Variants in NEUROG3 observed in about 807,000 individuals in gnomAD.
NEUROG3 encodes neurogenin 3.
For synonymous variants in NEUROG3, 161 were observed against 139.2 expected (o/e 1.16, Z -1.10); for missense variants, 307 against 297.9 (o/e 1.03, Z -0.22).
Position 69,572,554 on chromosome 10 carries a change from C to G in NEUROG3, c.490G>C (p.Gly164Arg), listed in dbSNP as rs762664166. 6.2e-6 allele frequency: 10 copies of G among 1,610,780 alleles called. No individual in the cohort carries two copies. Among genetic ancestry groups the G allele is most frequent in the East Asian group, 2.2e-5 (1 of 44,606 alleles). ...AGGGACCCCCAGTCCCCGGGGGAAC[C>G]GCCTGGGCTGCCCAGCTCCCCGCAG... The part of the protein sequence containing the change: ...PHCGELGSPG[G>R]SPGDWGSLYS... The change falls in exon 2 of 2, where the codon GGT becomes CGT. Residue 164 changes from glycine (G) to arginine (R), a missense_variant. Transcript: ENST00000242462.
Position 69,572,281 on chromosome 10 carries a change from A to G in NEUROG3, c.*118T>C, listed in dbSNP as rs1036322758. 17 of 1,209,720 alleles carry G rather than the reference A, an allele frequency of 1.4e-5. No individual in the cohort carries two copies. Among genetic ancestry groups the G allele is most frequent in the Non-Finnish European group, 1.9e-5 (16 of 861,680 alleles). 74.9% of individuals were successfully genotyped at this position (1,209,720 alleles called of 1,614,324 possible). A position where few individuals can be genotyped will look rare whatever the true frequency, so the allele number is the denominator to read the frequency against. ...TGGGCCGGCCAGGGGTCAGCCAGGG[A>G]GAAGCAGAAGGAACAAGTGCTTTTG... On this transcript the variant is annotated 3_prime_UTR_variant, in exon 2 of 2. Coordinates refer to ENST00000242462, the MANE Select transcript of NEUROG3 (RefSeq NM_020999.4).
chr10:69,572,714 C>CA lies in NEUROG3; in HGVS notation c.329dup (p.Pro111AlafsTer128). ...GCTTCGCGTCGTCTGGGAAGGTGGG[C>CA]AGGACACCGCGCAGGGCGTCCAGTG... On this transcript the variant is annotated frameshift_variant, in exon 2 of 2. Transcript: ENST00000242462. LOFTEE classifies it low-confidence loss of function (END_TRUNC). 1 of 1,614,156 alleles carries CA rather than the reference C, an allele frequency of 6.2e-7. No homozygotes were observed. The highest frequency in any genetic ancestry group is 1.1e-5 in the South Asian group (1 of 91,084).
Position 69,572,207 on chromosome 10 carries a change from G to A in NEUROG3, c.*192C>T. On this transcript the variant is annotated 3_prime_UTR_variant, in exon 2 of 2. Transcript: ENST00000242462. ...CAGCAAGGGTTGCGTGCGTTGGCGC[G>A]GCTCGGAGGGCCGGGGAATGAACCC... 1 of 654,236 alleles carries A rather than the reference G, an allele frequency of 1.5e-6. No individual in the cohort carries two copies. Among genetic ancestry groups the A allele is most frequent in the East Asian group, 2.8e-5 (1 of 36,226 alleles). 40.5% of individuals were successfully genotyped at this position (654,236 alleles called of 1,614,324 possible). A position where few individuals can be genotyped will look rare whatever the true frequency, so the allele number is the denominator to read the frequency against.
At position 69,572,672 on chromosome 10, in the gene NEUROG3, C is replaced by T; in HGVS notation, c.372G>A (p.Thr124=). 2 of 1,614,136 alleles carry T rather than the reference C, an allele frequency of 1.2e-6. No individual in the cohort carries two copies. The highest frequency in any genetic ancestry group is 1.7e-6 in the Non-Finnish European group (2 of 1,179,962). Reference sequence around the variant, plus strand: ...AGATGTAGTTGTGGGCGAAGCGCAGCGTCTCGATCTTGGTGAGCTTCGCGT... The same window carrying T: ...AGATGTAGTTGTGGGCGAAGCGCAGTGTCTCGATCTTGGTGAGCTTCGCGT... ...PDDAKLTKIE[T]LRFAHNYIWA... Residue 124 remains threonine, a synonymous_variant, in exon 2 of 2, where the codon ACG becomes ACA. Transcript: ENST00000242462.
At position 69,572,580 on chromosome 10, in the gene NEUROG3, T is replaced by G. The variant is rs1242314195; in HGVS notation, c.464A>C (p.His155Pro). Residue 155 changes from histidine to proline, a missense_variant, in exon 2 of 2, where the codon CAC becomes CCC. His to Pro is a moderately conservative substitution (Grantham distance 77). Coordinates refer to ENST00000242462, the MANE Select transcript of NEUROG3 (RefSeq NM_020999.4). ...GCCTGGGCTGCCCAGCTCCCCGCAGTGCGGCGCCGGCGGCTCCAGCGCGTA... is the reference window on the plus strand; with the variant it reads ...GCCTGGGCTGCCCAGCTCCCCGCAGGGCGGCGCCGGCGGCTCCAGCGCGTA... ...SLYALEPPAP[H>P]CGELGSPGGS... The G allele has an allele frequency of 6.2e-7, 1 of 1,613,496 alleles. No individual in the cohort carries two copies. Among genetic ancestry groups the G allele is most frequent in the East Asian group, 2.2e-5 (1 of 44,838 alleles).
Position 69,572,178 on chromosome 10 carries a change from G to T in NEUROG3, c.*221C>A. 1.7e-6 allele frequency: 1 copy of T among 604,202 alleles called. No individual in the cohort carries two copies. Among genetic ancestry groups the T allele is most frequent in the South Asian group, 2.0e-5 (1 of 50,124 alleles). 37.4% of individuals were successfully genotyped at this position (604,202 alleles called of 1,614,324 possible). The stretch of plus-strand genomic sequence containing the variant: ...ACTTTGCAATGCCCACTTCGCGCGG[G>T]CAGCAGCAAGGGTTGCGTGCGTTGG... On this transcript the variant is annotated 3_prime_UTR_variant, in exon 2 of 2. Transcript: ENST00000242462.
Position 69,572,460 on chromosome 10 carries a change from A to T in NEUROG3, c.584T>A (p.Leu195Gln). 6.3e-7 allele frequency: 1 copy of T among 1,590,090 alleles called. No homozygotes were observed. The highest frequency in any genetic ancestry group is 8.5e-7 in the Non-Finnish European group (1 of 1,169,764). Residue 195 changes from leucine (L) to glutamine (Q), a missense_variant, in exon 2 of 2, where the codon CTG becomes CAG. Transcript: ENST00000242462. Reference sequence around the variant, plus strand: ...CAAGCAGGCGGAAAAGGTGGCCCCCAGCAGCCCGGGTCGCTCCTCCAGCGA... The same window carrying T: ...CAAGCAGGCGGAAAAGGTGGCCCCCTGCAGCCCGGGTCGCTCCTCCAGCGA... ...AASLEERPGL[L>Q]GATFSACLSP...
At position 69,572,509 on chromosome 10, in the gene NEUROG3, C is replaced by A. The variant is rs752155684; in HGVS notation, c.535G>T (p.Ala179Ser). 1 of 1,594,830 alleles carries A rather than the reference C, an allele frequency of 6.3e-7. No homozygotes were observed. Among genetic ancestry groups the A allele is most frequent in the Admixed American group, 1.7e-5 (1 of 57,154 alleles). Residue 179 changes from alanine to serine, a missense_variant, in exon 2 of 2, where the codon GCT becomes TCT. By Grantham distance (99) the Ala-to-Ser change is moderately conservative. Transcript: ENST00000242462. ...WGSLYSPVSQ[A>S]GSLSPAASLE... ...GACGCGGCGGGACTCAGGCTGCCAG[C>A]CTGGGAGACTGGGGAGTAGAGGGAC...
At position 69,572,986 on chromosome 10, in the gene NEUROG3, A is replaced by G; in HGVS notation, c.58T>C (p.Ser20Pro). 6.2e-7 allele frequency: 1 copy of G among 1,613,602 alleles called. No individual in the cohort carries two copies. ...TVQVTRETER[S>P]FPRASEDEVT... ...TCGTCTTCCGAGGCTCTGGGGAAGG[A>G]CCGCTCCGTCTCACGGGTCACTTGG... Residue 20 changes from serine to proline, a missense_variant, in exon 2 of 2, where the codon TCC (serine) becomes CCC (proline). Ser to Pro is a moderately conservative substitution (Grantham distance 74). Transcript: ENST00000242462.
In NEUROG3 at chr10:69,572,199, G is replaced by A. The variant is rs1374979183; in HGVS notation, c.*200C>T. ...GCGGGCAGCAGCAAGGGTTGCGTGC[G>A]TTGGCGCGGCTCGGAGGGCCGGGGA... is the stretch of plus-strand genomic sequence containing the variant. On this transcript the variant is annotated 3_prime_UTR_variant, in exon 2 of 2. Coordinates refer to ENST00000242462, the MANE Select transcript of NEUROG3 (RefSeq NM_020999.4). 4 of 639,246 alleles carry A rather than the reference G, an allele frequency of 6.3e-6. No homozygotes were observed. Among genetic ancestry groups the A allele is most frequent in the Non-Finnish European group, 1.1e-5 (4 of 373,198 alleles). 39.6% of individuals were successfully genotyped at this position (639,246 alleles called of 1,614,324 possible).
In NEUROG3 at chr10:69,572,465, C is replaced by T. The variant is rs1839225532; in HGVS notation, c.579G>A (p.Gly193=). 5 of 1,590,142 alleles carry T rather than the reference C, an allele frequency of 3.1e-6. No individual in the cohort carries two copies. Among genetic ancestry groups the T allele is most frequent in the Non-Finnish European group, 4.3e-6 (5 of 1,169,478 alleles). The change falls in exon 2 of 2, where the codon GGG becomes GGA. Residue 193 remains glycine, a synonymous_variant. Transcript: ENST00000242462. ...AGGCGGAAAAGGTGGCCCCCAGCAG[C>T]CCGGGTCGCTCCTCCAGCGACGCGG... ...SPAASLEERP[G]LLGATFSACL...
chr10:69,572,485 A>T lies in NEUROG3; in HGVS notation c.559T>A (p.Ser187Thr), dbSNP rs1224222918. ...SQAGSLSPAASLEERPGLLGA... is the reference protein window; with the variant it reads ...SQAGSLSPAATLEERPGLLGA... Reference sequence around the variant, plus strand: ...AGCAGCCCGGGTCGCTCCTCCAGCGACGCGGCGGGACTCAGGCTGCCAGCC... The same window carrying T: ...AGCAGCCCGGGTCGCTCCTCCAGCGTCGCGGCGGGACTCAGGCTGCCAGCC... Residue 187 changes from serine to threonine, a missense_variant, in exon 2 of 2, where the codon TCG becomes ACG. By Grantham distance (58) the Ser-to-Thr change is moderately conservative. Coordinates refer to ENST00000242462, the MANE Select transcript of NEUROG3 (RefSeq NM_020999.4). The T allele has an allele frequency of 1.6e-5, 26 of 1,588,728 alleles. No individual in the cohort carries two copies. Among genetic ancestry groups the T allele is most frequent in the Non-Finnish European group, 2.1e-5 (24 of 1,168,242 alleles).
At position 69,573,358 on chromosome 10, in the gene NEUROG3, G is replaced by T. The variant is rs1839245367; in HGVS notation, c.-150C>A. On this transcript the variant is annotated 5_prime_UTR_variant, in exon 1 of 2. Coordinates refer to ENST00000242462, the MANE Select transcript of NEUROG3 (RefSeq NM_020999.4). Reference sequence around the variant, plus strand: ...CAAAGGAGAAAAGAAGAGAGAATGGGGTCCGAGGCCTCTGTCACGCTCTCT... The same window carrying T: ...CAAAGGAGAAAAGAAGAGAGAATGGTGTCCGAGGCCTCTGTCACGCTCTCT... 1 of 477,044 alleles carries T rather than the reference G, an allele frequency of 2.1e-6. No individual in the cohort carries two copies. Among genetic ancestry groups the T allele is most frequent in the Non-Finnish European group, 3.7e-6 (1 of 268,852 alleles). The allele number at this position is 477,044 out of a possible 1,614,324, so 29.6% of individuals were successfully genotyped here.
Position 69,573,014 on chromosome 10 carries a change from A to G in NEUROG3, c.30T>C (p.Thr10=). MTPQPSGAP[T]VQVTRETERS... is the part of the protein sequence containing the mutation. ...GCTCCGTCTCACGGGTCACTTGGAC[A>G]GTGGGCGCACCCGAGGGTTGAGGCG... Residue 10 remains threonine, a synonymous_variant, in exon 2 of 2, where the codon ACT becomes ACC. Transcript: ENST00000242462. 2.5e-6 allele frequency: 4 copies of G among 1,613,698 alleles called. No homozygotes were observed. Among genetic ancestry groups the G allele is most frequent in the South Asian group, 1.1e-5 (1 of 91,078 alleles).
At chr10:69,573,166 T>C (rs1839241459) in intron 1 of NEUROG3, 44 bp downstream of exon 1, 1 of 1,090,936 alleles carries the variant, frequency 9.2e-7, no homozygotes, top group African/African-American at 1.6e-5. Context: ...GGTCAGAGGA[T>C]CCCTCTTTCC....
chr10:69,571,623 T>G (rs1839209461), downstream of NEUROG3: 1 of 152,178 alleles, frequency 6.6e-6, no homozygotes, highest in South Asian at 2.1e-4. Flanking sequence ...AGGGGCCATA[T>G]AATTTACTGT....
At position 69,572,852 on chromosome 10, in the gene NEUROG3, C is replaced by G; in HGVS notation, c.192G>C (p.Arg64=). 1 of 1,610,004 alleles carries G rather than the reference C, an allele frequency of 6.2e-7. No individual in the cohort carries two copies. Among genetic ancestry groups the G allele is most frequent in the Non-Finnish European group, 8.5e-7 (1 of 1,178,466 alleles). ...TCTTAGGCCGGCTGCGTCCCCCGCG[C>G]CGTGCCCGGAGCTTCCTCGGGGCCC... is the stretch of plus-strand genomic sequence containing the variant. ...CRGAPRKLRA[R]RGGRSRPKSE... The change falls in exon 2 of 2, where the codon CGG becomes CGC. Residue 64 remains arginine, a synonymous_variant. Transcript: ENST00000242462.
In NEUROG3 at chr10:69,572,039, T is replaced by G; in HGVS notation, c.*360A>C. The stretch of plus-strand genomic sequence containing the variant: ...AGACTGAGAGGCAGACAGACTTGAG[T>G]GAGGGTAGGGCGACCCAAGACGGTG... On this transcript the variant is annotated 3_prime_UTR_variant, in exon 2 of 2. Transcript: ENST00000242462. 2 of 309,196 alleles carry G rather than the reference T, an allele frequency of 6.5e-6. No individual in the cohort carries two copies. The highest frequency in any genetic ancestry group is 9.5e-5 in the Admixed American group (2 of 21,116). The allele number at this position is 309,196 out of a possible 1,614,324, so 19.2% of individuals were successfully genotyped here.
rs140315328 is a variant in NEUROG3 at position 69,572,383 on chromosome 10, C to G, written c.*16G>C. On this transcript the variant is annotated 3_prime_UTR_variant, in exon 2 of 2. Coordinates refer to ENST00000242462, the MANE Select transcript of NEUROG3 (RefSeq NM_020999.4). ...CTTACCCTTAGCACCCACAGCCCAG[C>G]GACAGACAGGTCCTTTCACAGAAAA... 6.3e-7 allele frequency: 1 copy of G among 1,580,210 alleles called. No individual in the cohort carries two copies. The highest frequency in any genetic ancestry group is 1.1e-5 in the South Asian group (1 of 88,218).
Sources: gnomAD v4.1 joint callset for allele counts on GRCh38, gnomAD v4.1.1 for gene constraint, MANE v1.5 for transcripts, NCBI Gene and HGNC (gene_info 2026-07-23, HGNC 2026-07-21) for gene names.